Variants in ZBTB7B observed in about 807,000 individuals in gnomAD.
The protein encoded by ZBTB7B is zinc finger and BTB domain-containing protein 7B.
In ZBTB7B, 8 loss-of-function variants were observed where a neutral mutation model predicts 31.0. The observed-to-expected ratio is 0.26, with a 90% CI of 0.15 to 0.47. The LOEUF is 0.47. ZBTB7B is among the 20% of genes least tolerant of loss of function. The probability of loss-of-function intolerance (pLI) is 0.99; values close to 1 mark genes in which losing one functional copy is unlikely to be tolerated. For synonymous variants in ZBTB7B, 261 were observed against 307.3 expected (o/e 0.85, Z 1.58); for missense variants, 494 against 742.4 (o/e 0.67, Z 3.89).
intron 1 of ZBTB7B, among the ~76,000 whole-genome samples, chr1:155,009,453 A>G (rs1410567932): frequency 6.6e-6 from 1 of 152,096 alleles, no homozygotes; most frequent in Non-Finnish European, 1.5e-5. Flanking sequence ...GGGAGCTGGC[A>G]CTGTCCAGGC....
intron 1 of ZBTB7B, among the ~76,000 whole-genome samples, chr1:155,012,710 T>G (rs1041158567): frequency 6.6e-6 from 1 of 151,738 alleles, no homozygotes; most frequent in African/African-American, 2.4e-5. Context: ...AGCCCTGGCC[T>G]TGCAATGAAG....
chr1:155,006,768 T>C (rs1471159439), intron 1 of ZBTB7B, among the ~76,000 whole-genome samples: 2 of 151,926 alleles, frequency 1.3e-5, no homozygotes, highest in African/African-American at 4.8e-5. Context: ...CATATGCCCC[T>C]TTCAACAGAC....
chr1:155,006,166 T>G (rs925128709), intron 1 of ZBTB7B, among the ~76,000 whole-genome samples: 1 of 152,156 alleles, frequency 6.6e-6, no homozygotes, highest in Non-Finnish European at 1.5e-5. Context: ...TCTTTAATAT[T>G]CACTGGCACA....
chr1:155,005,890 C>A (rs1658530581), intron 1 of ZBTB7B, among the ~76,000 whole-genome samples: 1 of 152,210 alleles, frequency 6.6e-6, no homozygotes, highest in African/African-American at 2.4e-5. Flanking sequence ...GGCCAGGCGC[C>A]AAGGCGGGCC....
chr1:155,016,182 C>T lies in ZBTB7B; in HGVS notation c.1155-38C>T. 6.3e-7 allele frequency: 1 copy of T among 1,592,946 alleles called. No individual in the cohort carries two copies. Among genetic ancestry groups the T allele is most frequent in the Non-Finnish European group, 8.6e-7 (1 of 1,166,262 alleles). On this transcript the variant is annotated intron_variant, in intron 2 of 2. Transcript: ENST00000535420. This position sits in a 1 kb window ranked among gnomAD's most constrained non-coding sequence, Gnocchi z 4.3. ...ACCAGGAGGAGCCAGGGATCCCATC[C>T]TGAACACCTCCCTGCCCCTCACCCC...
Position 155,018,279 on chromosome 1 carries a change from G to A in ZBTB7B, c.*1594G>A. 2 of 513,832 alleles carry A rather than the reference G, an allele frequency of 3.9e-6. No individual in the cohort carries two copies. Among genetic ancestry groups the A allele is most frequent in the South Asian group, 2.3e-5 (1 of 44,250 alleles). 31.8% of individuals were successfully genotyped at this position (513,832 alleles called of 1,614,324 possible). On this transcript the variant is annotated 3_prime_UTR_variant, in exon 3 of 3. Coordinates refer to ENST00000535420, the MANE Select transcript of ZBTB7B (RefSeq NM_001256455.2). Reference sequence around the variant, plus strand: ...TGATGTAATATATTGGGGTGGCGGGGAGATCGGGTTGTCCTGGGCCTCATC... The same window carrying A: ...TGATGTAATATATTGGGGTGGCGGGAAGATCGGGTTGTCCTGGGCCTCATC...
At chr1:155,015,847 G>A in intron 2 of ZBTB7B, 33 bp downstream of exon 2, 3 of 1,594,998 alleles carry the variant, frequency 1.9e-6, no homozygotes, top group Non-Finnish European at 8.6e-7. Context: ...CCCGGCAGGG[G>A]CCATGGGTAG....
chr1:155,010,533 T>C (rs1658884299), intron 1 of ZBTB7B: 1 of 201,350 alleles, frequency 5.0e-6, no homozygotes, highest in South Asian at 7.9e-5. Flanking sequence ...GCAGAGAACC[T>C]CTTCTTTGAA....
At chr1:155,012,543 A>C (rs1659065970) in intron 1 of ZBTB7B, among the ~76,000 whole-genome samples, 1 of 152,120 alleles carries the variant, frequency 6.6e-6, no homozygotes, top group Non-Finnish European at 1.5e-5. Flanking sequence ...GGAGGATTAA[A>C]GGGAGCAGGG....
At position 155,013,562 on chromosome 1, in the gene ZBTB7B, G is replaced by GTGCTCTGCACCCACCTCCTGGC. The variant is rs375054275; in HGVS notation, c.-6-1072_-6-1051dup. On this transcript the variant is annotated intron_variant, in intron 1 of 2. Coordinates refer to ENST00000535420, the MANE Select transcript of ZBTB7B (RefSeq NM_001256455.2). ...CCTGCCGACACCTCTGCCAGCCTTG[G>GTGCTCTGCACCCACCTCCTGGC]TGCTCTGCACCCACCTCCTGGCTGC... 7.2e-5 allele frequency among the ~76,000 whole-genome samples: 11 copies of GTGCTCTGCACCCACCTCCTGGC among 152,356 alleles called. No homozygotes were observed. The South Asian group carries it at 8.3e-4, about 11-fold the overall frequency.
At chr1:155,012,010 C>T (rs1430821477) in intron 1 of ZBTB7B, among the ~76,000 whole-genome samples, 2 of 152,168 alleles carry the variant, frequency 1.3e-5, no homozygotes, top group Non-Finnish European at 2.9e-5. Context: ...TTATGAACAC[C>T]CTCTCCTTCC....
At chr1:155,005,169 T>A (rs1179558692) in intron 1 of ZBTB7B, among the ~76,000 whole-genome samples, 2 of 150,288 alleles carry the variant, frequency 1.3e-5, no homozygotes, top group African/African-American at 2.5e-5. Flanking sequence ...TTTGTGTGCC[T>A]GCACTTGGCA....
At chr1:155,002,171 G>A (rs1057110313), upstream of ZBTB7B, among the ~76,000 whole-genome samples, 5 of 152,000 alleles carry the variant, frequency 3.3e-5, no homozygotes, top group East Asian at 9.8e-4. Context: ...CTCCCTGGAC[G>A]AACGCAAGGC....
chr1:155,015,898 C>CT, intron 2 of ZBTB7B, 84 bp downstream of exon 2: 1 of 1,513,110 alleles, frequency 6.6e-7, no homozygotes, highest in East Asian at 2.3e-5. Flanking sequence ...TTAGGAGACC[C>CT]GAGGTGGTGG....
Position 155,016,921 on chromosome 1 carries a change from C to G in ZBTB7B, c.*236C>G. 2.3e-6 allele frequency: 1 copy of G among 438,712 alleles called. No individual in the cohort carries two copies. Among genetic ancestry groups the G allele is most frequent in the South Asian group, 6.6e-5 (1 of 15,120 alleles). 27.2% of individuals were successfully genotyped at this position (438,712 alleles called of 1,614,324 possible). ...GATACATATATTGTGTATATATTTA[C>G]AGCTGTATTGTAAAAGTGGGGTCCC... On this transcript the variant is annotated 3_prime_UTR_variant, in exon 3 of 3. Transcript: ENST00000535420. This position sits in a 1 kb window ranked among gnomAD's most constrained non-coding sequence, Gnocchi z 4.3.
In ZBTB7B at chr1:155,016,593, C is replaced by T. The variant is rs1292178211; in HGVS notation, c.1528C>T (p.Pro510Ser). 6.2e-7 allele frequency: 1 copy of T among 1,612,802 alleles called. No homozygotes were observed. Among genetic ancestry groups the T allele is most frequent in the African/African-American group, 1.3e-5 (1 of 74,898 alleles). ...RFWEQSAPTG[P>S]PVSTPGPPDD... ...CTGGGAGCAGTCAGCCCCCACTGGG[C>T]CCCCGGTCTCTACCCCAGGGCCCCC... The change falls in exon 3 of 3, where the codon CCC (proline) becomes TCC (serine). Residue 510 changes from proline (P) to serine (S), a missense_variant. By Grantham distance (74) the Pro-to-Ser change is moderately conservative. This residue lies in a region of ZBTB7B where 101 missense variants were observed against 119.5 expected (regional missense o/e 0.85). Transcript: ENST00000535420. This position sits in a 1 kb window ranked among gnomAD's most constrained non-coding sequence, Gnocchi z 4.3.
Position 155,015,456 on chromosome 1 carries a change from G to T in ZBTB7B, c.796G>T (p.Gly266Cys). ...PPTGTASPPEGPQSYEPYEGE... is the reference protein window; with the variant it reads ...PPTGTASPPECPQSYEPYEGE... ...CACAGGAACTGCCTCCCCTCCTGAG[G>T]GTCCCCAGAGCTACGAACCCTATGA... Residue 266 changes from glycine to cysteine, a missense_variant, in exon 2 of 3, where the codon GGT (glycine) becomes TGT (cysteine). Around this residue, in one of 5 missense-constraint regions of ZBTB7B, gnomAD observed 216 missense variants for 229.3 expected, o/e 0.94. Transcript: ENST00000535420. The T allele has an allele frequency of 6.3e-7, 1 of 1,590,160 alleles. No individual in the cohort carries two copies.
chr1:155,014,193 T>G (rs1208008823), intron 1 of ZBTB7B: 20 of 633,646 alleles, frequency 3.2e-5, no homozygotes, highest in Non-Finnish European at 3.9e-6. Flanking sequence ...CAGCTGCCAG[T>G]ACCACCCCCG....
Position 155,004,019 on chromosome 1 carries a change from A to G in ZBTB7B, c.-7+1076A>G, listed in dbSNP as rs955002622. ...CTGCCCCCCGCCCCGCACAACCCCCACGTATCAAAGGGCGGCTGAGACATG... is the reference window on the plus strand; with the variant it reads ...CTGCCCCCCGCCCCGCACAACCCCCGCGTATCAAAGGGCGGCTGAGACATG... On this transcript the variant is annotated intron_variant, in intron 1 of 2. Coordinates refer to ENST00000535420, the MANE Select transcript of ZBTB7B (RefSeq NM_001256455.2). This position sits in a 1 kb window ranked among gnomAD's most constrained non-coding sequence, Gnocchi z 4.0. Among the ~76,000 whole-genome samples, 6 of 151,986 alleles carry G rather than the reference A, an allele frequency of 3.9e-5. No homozygotes were observed. The highest frequency in any genetic ancestry group is 7.4e-5 in the Non-Finnish European group (5 of 67,962).
Sources: gnomAD v4.1 joint callset for allele counts (sites outside exome capture counted in the v4.1 genomes callset) on GRCh38, gnomAD v4.1.1 for gene constraint, gnomAD v4.1.1 regional missense constraint, Gnocchi (gnomAD v3.1) non-coding constraint, MANE v1.5 for transcripts, NCBI Gene and HGNC (gene_info 2026-07-23, HGNC 2026-07-21) for gene names.